PPL: variants seen among roughly 807,000 people sequenced by gnomAD.
PPL encodes periplakin.
A neutral mutation model predicts 194.4 loss-of-function variants in PPL; 198 were observed. That is an observed-to-expected ratio of 1.02 (90% CI 0.91 to 1.15). PPL has a LOEUF of 1.15. Among genes scored for constraint, PPL ranks in the 50% most tolerant of loss-of-function variants. PPL has a pLI of 0.00. For missense variants in PPL, 2,885 were observed against 2,294.8 expected (o/e 1.26, Z -5.25); for synonymous variants, 1,220 against 972.4 (o/e 1.25, Z -4.74).
chr16:4,928,587 C>G (rs957706030), intron 1 of PPL, among the ~76,000 whole-genome samples: 1 of 152,224 alleles, frequency 6.6e-6, no homozygotes, highest in Non-Finnish European at 1.5e-5. Context: ...CAGGCTGATA[C>G]CTTTTAGGGT....
chr16:4,901,057 G>A lies in PPL; in HGVS notation c.471C>T (p.Asp157=), dbSNP rs759675170. 1.3e-5 allele frequency: 21 copies of A among 1,614,160 alleles called. 1 individual carries two copies. The South Asian group carries it at 2.1e-4, about 16-fold the overall frequency. ...DKLNNQSFGT[D]LPLVDHQVEE... ...CCACTTGGTGGTCCACCAGCGGCAG[G>A]TCAGTCCCAAAGCTCTGGTTGTTCA... Residue 157 remains aspartate, a synonymous_variant, in exon 5 of 22, where the codon GAC becomes GAT. Transcript: ENST00000345988.
At chr16:4,929,800 C>G (rs1210300443) in intron 1 of PPL, among the ~76,000 whole-genome samples, 2 of 152,130 alleles carry the variant, frequency 1.3e-5, no homozygotes, top group African/African-American at 4.8e-5. Context: ...ATCCTCCCCT[C>G]TCAGCCTCCT....
At position 4,893,578 on chromosome 16, in the gene PPL, C is replaced by T. The variant is rs774892474; in HGVS notation, c.1455G>A (p.Gln485=). ...CGGTCTTCAGCACCTCATACCGCTG[C>T]TGCAGCGTGCGTTTGCTCCCAGCTG... ...QKAAGSKRTL[Q]QRYEVLKTEN... Residue 485 remains glutamine (Q), a synonymous_variant, in exon 13 of 22, where the codon CAG becomes CAA. Coordinates refer to ENST00000345988, the MANE Select transcript of PPL (RefSeq NM_002705.5). 3 of 1,611,962 alleles carry T rather than the reference C, an allele frequency of 1.9e-6. No homozygotes were observed. The highest frequency in any genetic ancestry group is 3.3e-5 in the Admixed American group (2 of 59,970).
intron 2 of PPL, among the ~76,000 whole-genome samples, chr16:4,908,946 A>T (rs964919965): frequency 6.6e-6 from 1 of 152,224 alleles, no homozygotes; most frequent in Non-Finnish European, 1.5e-5. Flanking sequence ...CCCCCAAAAG[A>T]TGTTTTCCAT....
rs1051306932 is a variant in PPL at position 4,902,216 on chromosome 16, G to A, written c.438+190C>T. On this transcript the variant is annotated intron_variant, in intron 4 of 21. Transcript: ENST00000345988. The surrounding 1 kb of genome is among the most constrained non-coding windows in gnomAD (Gnocchi z 4.0). ...TCCGAATCTCCACCGCTTGAGCTGT[G>A]TGACCCTGACTTCGTGCTGCACTTC... Among the ~76,000 whole-genome samples the A allele has an allele frequency of 2.4e-4, 36 of 152,200 alleles. No homozygotes were observed. Among genetic ancestry groups the A allele is most frequent in the Non-Finnish European group, 1.5e-5 (1 of 68,038 alleles).
At chr16:4,892,446 C>G (rs369228596) in intron 14 of PPL, among the ~76,000 whole-genome samples, 2 of 152,236 alleles carry the variant, frequency 1.3e-5, no homozygotes, top group East Asian at 3.8e-4. Flanking sequence ...CAGAAGCACC[C>G]AGGCAGCTGC....
intron 15 of PPL, 34 bp from the exon 16 acceptor site, chr16:4,891,983 ACCTGGCCC>A: frequency 6.2e-7 from 1 of 1,610,702 alleles, no homozygotes; most frequent in Non-Finnish European, 8.5e-7. Context: ...GGGGATGCCC[ACCTGGCCC>A]CCTGACCCCA....
intron 2 of PPL, among the ~76,000 whole-genome samples, chr16:4,908,707 T>C (rs2088755887): frequency 7.0e-6 from 1 of 143,396 alleles, no homozygotes; most frequent in Non-Finnish European, 1.5e-5. Context: ...ACCTGGCAAA[T>C]TTTTCATATT....
intron 1 of PPL, among the ~76,000 whole-genome samples, chr16:4,917,817 A>C (rs7198615): frequency 6.6e-6 from 1 of 151,898 alleles, no homozygotes; most frequent in Admixed American, 6.6e-5. Flanking sequence ...TAGGAGGATT[A>C]CTTGAGCCCA....
At chr16:4,913,629 T>C (rs1019741002) in intron 1 of PPL, among the ~76,000 whole-genome samples, 13 of 152,214 alleles carry the variant, frequency 8.5e-5, no homozygotes, top group African/African-American at 3.1e-4. Flanking sequence ...CCTCCACTTC[T>C]TGGGGTCAAG....
chr16:4,901,940 A>AT lies in PPL; in HGVS notation c.438+465_438+466insA, dbSNP rs1486730965. Among the ~76,000 whole-genome samples, 7 of 69,410 alleles carry AT rather than the reference A, an allele frequency of 1.0e-4. No homozygotes were observed. The East Asian group carries it at 4.6e-3, about 46-fold the overall frequency. The allele number at this position is 69,410 out of a possible 152,430, so 45.5% of individuals were successfully genotyped here. A position where few individuals can be genotyped will look rare whatever the true frequency, so the allele number is the denominator to read the frequency against. ...GCGCGACAGAGTGAGACCTTGTCTC[A>AT]AAAATAAATAAATAAATAAATAAAT... is the stretch of plus-strand genomic sequence containing the variant. On this transcript the variant is annotated intron_variant, in intron 4 of 21. Coordinates refer to ENST00000345988, the MANE Select transcript of PPL (RefSeq NM_002705.5).
intron 1 of PPL, among the ~76,000 whole-genome samples, chr16:4,934,826 A>G (rs2089274282): frequency 1.3e-5 from 2 of 152,112 alleles, no homozygotes; most frequent in South Asian, 2.1e-4. Context: ...GATGGGGTAC[A>G]GGGCTACCCC....
intron 12 of PPL, 149 bp downstream of exon 12, chr16:4,894,318 G>T: frequency 1.0e-6 from 1 of 1,000,416 alleles, no homozygotes; most frequent in Non-Finnish European, 1.4e-6. Context: ...CCCCTCTCCT[G>T]CATGAACTTC....
At position 4,885,661 on chromosome 16, in the gene PPL, C is replaced by T. The variant is rs1567986736; in HGVS notation, c.2994G>A (p.Leu998=). The T allele has an allele frequency of 1.9e-6, 3 of 1,613,036 alleles. No individual in the cohort carries two copies. Among genetic ancestry groups the T allele is most frequent in the East Asian group, 4.5e-5 (2 of 44,694 alleles). ...GGQEYVVKEV[L]RIEPDRAQAD... ...CCTGGGCCCTGTCAGGCTCGATGCG[C>T]AGGACCTCCTTGACCACGTACTCCT... The change falls in exon 22 of 22, where the codon CTG becomes CTA. Residue 998 remains leucine, a synonymous_variant. Transcript: ENST00000345988. This position sits in a 1 kb window ranked among gnomAD's most constrained non-coding sequence, Gnocchi z 6.3.
chr16:4,890,334 CCT>C lies in PPL; in HGVS notation c.2163-2_2163-1del, dbSNP rs2088296091. 3 of 1,610,392 alleles carry C rather than the reference CCT, an allele frequency of 1.9e-6. No individual in the cohort carries two copies. Among genetic ancestry groups the C allele is most frequent in the African/African-American group, 1.3e-5 (1 of 74,940 alleles). The stretch of plus-strand genomic sequence containing the variant: ...CCTTGGCGCTCTGTAGGCTCTGCGC[CCT>C]GTCAAGGCAAAGCGTTCAGGCCTCA... On this transcript the variant is annotated splice_acceptor_variant, in intron 17 of 21. Coordinates refer to ENST00000345988, the MANE Select transcript of PPL (RefSeq NM_002705.5). LOFTEE classifies it high-confidence loss of function.
intron 2 of PPL, among the ~76,000 whole-genome samples, chr16:4,906,305 A>G (rs2088681291): frequency 6.6e-6 from 1 of 152,082 alleles, no homozygotes; most frequent in African/African-American, 2.4e-5. Context: ...GCTCACTGCA[A>G]GCTCTGCCTC....
Position 4,883,608 on chromosome 16 carries a change from T to A in PPL, c.5047A>T (p.Asn1683Tyr). The A allele has an allele frequency of 6.2e-7, 1 of 1,614,130 alleles. No individual in the cohort carries two copies. Among genetic ancestry groups the A allele is most frequent in the East Asian group, 2.2e-5 (1 of 44,874 alleles). Residue 1683 changes from asparagine to tyrosine, a missense_variant, in exon 22 of 22, where the codon AAC (asparagine) becomes TAC (tyrosine). Transcript: ENST00000345988. This position sits in a 1 kb window ranked among gnomAD's most constrained non-coding sequence, Gnocchi z 4.8. ...EAHRAGLIDW[N>Y]MFVKLRSQEC... Reference sequence around the variant, plus strand: ...TGGCTTCTGAGTTTCACGAACATGTTCCAGTCAATGAGCCCGGCACGGTGG... The same window carrying A: ...TGGCTTCTGAGTTTCACGAACATGTACCAGTCAATGAGCCCGGCACGGTGG...
In PPL at chr16:4,893,525, T is replaced by A. The variant is rs553307751; in HGVS notation, c.1492+16A>T. The A allele has an allele frequency of 9.9e-6, 16 of 1,610,556 alleles. No homozygotes were observed. Among genetic ancestry groups the A allele is most frequent in the Non-Finnish European group, 1.4e-5 (16 of 1,178,748 alleles). The stretch of plus-strand genomic sequence containing the variant: ...CGGTACCCCCAGAGCCTCAGGCGAG[T>A]GGCCCTGGCACCCACCTCCGGGATT... On this transcript the variant is annotated intron_variant, in intron 13 of 21. Transcript: ENST00000345988.
At chr16:4,930,443 G>A (rs1568065804) in intron 1 of PPL, among the ~76,000 whole-genome samples, 2 of 152,214 alleles carry the variant, frequency 1.3e-5, no homozygotes, top group Non-Finnish European at 2.9e-5. Context: ...TCCGGGCTCT[G>A]CTGGTCCTGG....
Sources: gnomAD v4.1 joint callset for allele counts (sites outside exome capture counted in the v4.1 genomes callset) on GRCh38, gnomAD v4.1.1 for gene constraint, Gnocchi (gnomAD v3.1) non-coding constraint, MANE v1.5 for transcripts, NCBI Gene and HGNC (gene_info 2026-07-23, HGNC 2026-07-21) for gene names.